UNK: variants seen among roughly 807,000 people sequenced by gnomAD.
UNK encodes the protein RING finger protein unkempt homolog.
UNK carries 32 observed loss-of-function variants against 97.6 expected under a neutral mutation model. The observed-to-expected ratio is 0.33, with a 90% confidence interval of 0.25 to 0.44. The LOEUF is 0.44. Among genes scored for constraint, UNK ranks in the 20% least tolerant of loss-of-function variants. The pLI, the probability that UNK is intolerant of heterozygous loss-of-function variation, is 1.00. For synonymous variants in UNK, 441 were observed against 461.2 expected (o/e 0.96, Z 0.56); for missense variants, 771 against 1,098.4 (o/e 0.70, Z 4.21).
chr17:75,785,048 A>T, intron 1 of UNK, 64 bp downstream of exon 1: 1 of 1,143,896 alleles, frequency 8.7e-7, no homozygotes. Flanking sequence ...AGCGTGAGTC[A>T]CGCGCGCAGG....
rs2062022076 is a variant in UNK at position 75,816,979 on chromosome 17, C to T, written c.1104+67C>T. The T allele has an allele frequency of 1.3e-6, 2 of 1,517,738 alleles. No homozygotes were observed. Among genetic ancestry groups the T allele is most frequent in the Non-Finnish European group, 1.8e-6 (2 of 1,133,336 alleles). The allele number at this position is 1,517,738 out of a possible 1,614,324, so 94.0% of individuals were successfully genotyped here. ...CAGAGCCAATACTTGCCTCCTAGGC[C>T]CTTTCAGCCTGGGCTTGGGAGACCA... On this transcript the variant is annotated intron_variant, in intron 8 of 15. Coordinates refer to ENST00000589666, the MANE Select transcript of UNK (RefSeq NM_001080419.3). This position sits in a 1 kb window ranked among gnomAD's most constrained non-coding sequence, Gnocchi z 4.0.
intron 1 of UNK, among the ~76,000 whole-genome samples, chr17:75,801,753 C>G (rs1487413258): frequency 6.6e-6 from 1 of 151,778 alleles, no homozygotes; most frequent in Admixed American, 6.6e-5. Flanking sequence ...CCATATTGGC[C>G]AGGTTGGTCT....
chr17:75,814,180 T>C (rs956742196), intron 6 of UNK, among the ~76,000 whole-genome samples: 1 of 152,090 alleles, frequency 6.6e-6, no homozygotes, highest in Non-Finnish European at 1.5e-5. Context: ...CCACCACTCA[T>C]GGTGCTTGTA....
At chr17:75,794,023 C>CTG in intron 1 of UNK, 1 of 985,274 alleles carries the variant, frequency 1.0e-6, no homozygotes, top group Non-Finnish European at 1.2e-6. Flanking sequence ...ATCTGGTGAC[C>CTG]TGTCACTTCA....
intron 1 of UNK, among the ~76,000 whole-genome samples, chr17:75,788,328 C>A (rs1033387039): frequency 6.6e-6 from 1 of 151,982 alleles, no homozygotes; most frequent in African/African-American, 2.4e-5. Context: ...TGCAGGCACA[C>A]GCCACCATGG....
chr17:75,788,642 G>A (rs377438727), intron 1 of UNK, among the ~76,000 whole-genome samples: 2 of 151,756 alleles, frequency 1.3e-5, no homozygotes, highest in Non-Finnish European at 2.9e-5. Flanking sequence ...GTGAGCCACC[G>A]CGCCCAGCCA....
chr17:75,785,544 A>G (rs1418599277), intron 1 of UNK: 3 of 152,692 alleles, frequency 2.0e-5, no homozygotes, highest in Non-Finnish European at 2.9e-5. Context: ...GTGCGTGCCC[A>G]TGACCGTTTC....
intron 6 of UNK, among the ~76,000 whole-genome samples, chr17:75,814,489 CAAAAAAAAA>C (rs59234903): frequency 2.9e-5 from 2 of 70,006 alleles, no homozygotes; most frequent in South Asian, 6.6e-4. Context: ...GAGACTCCAT[CAAAAAAAAA>C]AAAAAAAAAA....
At position 75,824,304 on chromosome 17, in the gene UNK, G is replaced by A; in HGVS notation, c.2320G>A (p.Glu774Lys). ...MQSVKCLKCQ[E>K]QKRAVLPCQH... Reference sequence around the variant, plus strand: ...GTCGGTGAAATGCCTTAAGTGTCAGGAACAGAAGCGGGCAGTGCTGCCGTG... The same window carrying A: ...GTCGGTGAAATGCCTTAAGTGTCAGAAACAGAAGCGGGCAGTGCTGCCGTG... The change falls in exon 16 of 16, where the codon GAA becomes AAA. Residue 774 changes from glutamate to lysine, a missense_variant. By Grantham distance (56) the Glu-to-Lys change is moderately conservative (BLOSUM62 1). Transcript: ENST00000589666. This position sits in a 1 kb window ranked among gnomAD's most constrained non-coding sequence, Gnocchi z 4.9. The A allele has an allele frequency of 6.2e-7, 1 of 1,604,978 alleles. No homozygotes were observed. Among genetic ancestry groups the A allele is most frequent in the African/African-American group, 1.3e-5 (1 of 74,262 alleles).
chr17:75,821,798 G>C (rs920310709), intron 13 of UNK: 1 of 447,950 alleles, frequency 2.2e-6, no homozygotes, highest in Non-Finnish European at 4.5e-6. Flanking sequence ...AACATCTGTT[G>C]AGCGAGTGAG....
intron 4 of UNK, 40 bp downstream of exon 4, chr17:75,812,625 C>A: frequency 6.3e-7 from 1 of 1,597,472 alleles, no homozygotes; most frequent in Non-Finnish European, 8.5e-7. Context: ...TCCCTATAAT[C>A]CTGCTCATAG....
chr17:75,824,141 C>A lies in UNK; in HGVS notation c.2278-121C>A. The stretch of plus-strand genomic sequence containing the variant: ...CTGCCAACAGGGGTCTGGGAGCACA[C>A]TGTTGAGCTCGGTACCTCAGTTTTC... On this transcript the variant is annotated intron_variant, in intron 15 of 15. Transcript: ENST00000589666. The surrounding 1 kb of genome is among the most constrained non-coding windows in gnomAD (Gnocchi z 4.9). 1 of 1,246,650 alleles carries A rather than the reference C, an allele frequency of 8.0e-7. No individual in the cohort carries two copies. The highest frequency in any genetic ancestry group is 1.1e-6 in the Non-Finnish European group (1 of 940,518). The allele number at this position is 1,246,650 out of a possible 1,614,324, so 77.2% of individuals were successfully genotyped here.
chr17:75,793,142 C>G (rs2061777296), intron 1 of UNK, among the ~76,000 whole-genome samples: 1 of 152,192 alleles, frequency 6.6e-6, no homozygotes, highest in Non-Finnish European at 1.5e-5. Flanking sequence ...AACTTGATAG[C>G]CATTCCAGGG....
chr17:75,819,999 C>A lies in UNK; in HGVS notation c.1728C>A (p.Ser576=). ...LGSSASFHSA[S]PSPPVSLSSH... is the part of the protein sequence containing the mutation. ...GCTCTGCCTCCTTCCACTCAGCATC[C>A]CCGTCCCCTCCCGTCAGCCTCTCCT... The change falls in exon 13 of 16, where the codon TCC becomes TCA. Residue 576 remains serine (S), a synonymous_variant. Coordinates refer to ENST00000589666, the MANE Select transcript of UNK (RefSeq NM_001080419.3). This position sits in a 1 kb window ranked among gnomAD's most constrained non-coding sequence, Gnocchi z 5.4. 6.2e-7 allele frequency: 1 copy of A among 1,613,854 alleles called. No homozygotes were observed. Among genetic ancestry groups the A allele is most frequent in the Non-Finnish European group, 8.5e-7 (1 of 1,179,876 alleles).
At chr17:75,809,664 A>C in intron 1 of UNK, 96 bp from the exon 2 acceptor site, 1 of 1,315,556 alleles carries the variant, frequency 7.6e-7, no homozygotes, top group Non-Finnish European at 1.1e-6. Flanking sequence ...ACCCCAGAGC[A>C]GGGCCCTCAG....
At chr17:75,792,661 G>T (rs1321902638) in intron 1 of UNK, 4 of 210,912 alleles carry the variant, frequency 1.9e-5, no homozygotes, top group African/African-American at 9.4e-5. Flanking sequence ...GGCAGCAGAG[G>T]TATCTGTGGA....
At chr17:75,797,967 C>G (rs1021849904) in intron 1 of UNK, among the ~76,000 whole-genome samples, 1 of 151,892 alleles carries the variant, frequency 6.6e-6, no homozygotes. Flanking sequence ...TCTCTGTACT[C>G]AAATCTGTAG....
At chr17:75,821,801 C>G (rs773864085) in intron 13 of UNK, 23 of 446,062 alleles carry the variant, frequency 5.2e-5, no homozygotes, top group South Asian at 3.3e-4. Flanking sequence ...ATCTGTTGAG[C>G]GAGTGAGCAG....
intron 1 of UNK, among the ~76,000 whole-genome samples, chr17:75,787,101 A>G (rs1274105551): frequency 1.3e-5 from 2 of 152,228 alleles, no homozygotes; most frequent in African/African-American, 4.8e-5. Context: ...TAGACTTACT[A>G]GCATTCAGAA....
Sources: allele counts gnomAD v4.1 joint callset (sites outside exome capture counted in the v4.1 genomes callset), GRCh38; gene constraint gnomAD v4.1.1; non-coding constraint Gnocchi (gnomAD v3.1); transcripts MANE v1.5; gene names NCBI Gene and HGNC (gene_info 2026-07-23, HGNC 2026-07-21).